NBR1: variants seen among roughly 807,000 people sequenced by gnomAD.
NBR1 encodes next to BRCA1 gene 1 protein.
Under a neutral mutation model 115.5 loss-of-function variants are expected in NBR1, and 59 were observed. The observed-to-expected ratio is 0.51, with a 90% CI of 0.41 to 0.63. The LOEUF (loss-of-function observed/expected upper bound fraction) is 0.63. Ranked by LOEUF, NBR1 falls within the 30% of genes least tolerant of loss-of-function variation. The pLI is 0.00. For missense variants in NBR1, 1,043 were observed against 1,150.5 expected, an observed-to-expected ratio of 0.91 and a Z score of 1.35; for synonymous variants, 373 against 414.7, an observed-to-expected ratio of 0.90 and a Z score of 1.22.
intron 2 of NBR1, chr17:43,176,800 G>C (rs1289101500): frequency 1.3e-5 from 2 of 151,888 alleles, no homozygotes; most frequent in Non-Finnish European, 2.9e-5. Flanking sequence ...ATTTTAAATT[G>C]TATAAGTATA....
chr17:43,179,730 G>A (rs888308312), intron 4 of NBR1, among the ~76,000 whole-genome samples: 1 of 152,192 alleles, frequency 6.6e-6, no homozygotes, highest in African/African-American at 2.4e-5. Flanking sequence ...TGGTATATAT[G>A]TTAATATCAA....
rs1442384918 is a variant in NBR1, at chr17:43,202,695, G to A, written c.2604G>A (p.Lys868=). ...CAGGACTTGTAAACAGCAGACAGAA[G>A]AGCTATGACCACTCAAGGTAACAAC... ...GSSGLVNSRQ[K]SYDHSRHHHG... Residue 868 remains lysine (K), a synonymous_variant, in exon 19 of 21, where the codon AAG becomes AAA. Coordinates refer to ENST00000590996, the MANE Select transcript of NBR1 (RefSeq NM_005899.5). The A allele has an allele frequency of 6.3e-7, 1 of 1,575,474 alleles. No individual in the cohort carries two copies. Among genetic ancestry groups the A allele is most frequent in the African/African-American group, 1.3e-5 (1 of 74,308 alleles).
chr17:43,172,936 C>T (rs1291273356), intron 1 of NBR1, among the ~76,000 whole-genome samples: 1 of 152,008 alleles, frequency 6.6e-6, no homozygotes, highest in African/African-American at 2.4e-5. Context: ...CGCCATTCTC[C>T]TGCCTCAGCC....
At chr17:43,170,424 G>T (rs929384304), upstream of NBR1, 1 of 153,424 alleles carries the variant, frequency 6.5e-6, no homozygotes, top group African/African-American at 2.4e-5. Context: ...ACCTGAGTTC[G>T]CCGTAAAGCG....
At chr17:43,182,669 G>A (rs960243271) in intron 5 of NBR1, among the ~76,000 whole-genome samples, 1 of 151,568 alleles carries the variant, frequency 6.6e-6, no homozygotes, top group Admixed American at 6.6e-5. Context: ...TGTATAAAAT[G>A]TGATGTTTTG....
intron 20 of NBR1, among the ~76,000 whole-genome samples, chr17:43,206,957 T>TG (rs1160136705): frequency 6.6e-6 from 1 of 151,716 alleles, no homozygotes; most frequent in East Asian, 2.0e-4. Flanking sequence ...CCCAGCTACT[T>TG]GGGGGGCTTA....
intron 1 of NBR1, among the ~76,000 whole-genome samples, chr17:43,173,769 C>G (rs536294723): frequency 1.1e-4 from 16 of 152,166 alleles, no homozygotes; most frequent in Non-Finnish European, 2.4e-4. Context: ...TAGTAATGGG[C>G]CGGAGGTATG....
rs563122662 is a variant in NBR1, at chr17:43,204,737, C to T, written c.2727+951C>T. On this transcript the variant is annotated intron_variant, in intron 20 of 20. Transcript: ENST00000590996. ...GGCTGAGGCAGGAGAATTGCTTGAT[C>T]CAGGGAGTCAGAGCTTGCAGTGAGC... Among the ~76,000 whole-genome samples the T allele has an allele frequency of 2.0e-5, 3 of 150,158 alleles. No individual in the cohort carries two copies. The East Asian group carries it at 5.9e-4, about 30-fold the overall frequency.
At chr17:43,200,694 C>T in intron 17 of NBR1, 86 bp downstream of exon 17, 4 of 1,223,212 alleles carry the variant, frequency 3.3e-6, no homozygotes, top group Non-Finnish European at 4.6e-6. Context: ...CCTGTTTTTT[C>T]CTCAGTATGG....
intron 5 of NBR1, among the ~76,000 whole-genome samples, chr17:43,181,628 T>C (rs2154582011): frequency 6.6e-6 from 1 of 152,102 alleles, no homozygotes; most frequent in Non-Finnish European, 1.5e-5. Flanking sequence ...ATCGTGCCAC[T>C]GCACTCCAGC....
At chr17:43,185,307 C>T (rs1463670494) in intron 5 of NBR1, among the ~76,000 whole-genome samples, 1 of 152,140 alleles carries the variant, frequency 6.6e-6, no homozygotes, top group African/African-American at 2.4e-5. Context: ...GGCATAGTGA[C>T]CCAAACCTAT....
At chr17:43,209,573 T>C in intron 20 of NBR1, 2 of 1,535,346 alleles carry the variant, frequency 1.3e-6, no homozygotes, top group Non-Finnish European at 1.7e-6. Context: ...TGGGGCTTGC[T>C]GTCATTCCTT....
chr17:43,201,842 A>G, intron 18 of NBR1, 62 bp downstream of exon 18: 3 of 939,962 alleles, frequency 3.2e-6, no homozygotes, highest in Non-Finnish European at 5.1e-6. Context: ...AACCAGGTAT[A>G]AATAGCCTCT....
At chr17:43,195,266 G>A in intron 14 of NBR1, 1 of 504,628 alleles carries the variant, frequency 2.0e-6, no homozygotes. Flanking sequence ...TCTTTGGGAG[G>A]CCAAGGCAGG....
At chr17:43,194,848 C>T in intron 13 of NBR1, 116 bp from the exon 14 acceptor site, 2 of 746,830 alleles carry the variant, frequency 2.7e-6, no homozygotes, top group Non-Finnish European at 2.2e-6. Context: ...TGTCTGGGGA[C>T]AGGCATGAAT....
chr17:43,197,505 C>T (rs563040735), intron 16 of NBR1, among the ~76,000 whole-genome samples: 1 of 147,590 alleles, frequency 6.8e-6, no homozygotes, highest in Admixed American at 6.8e-5. Flanking sequence ...GGCGACAAAG[C>T]GAGACTCCAT....
Position 43,178,013 on chromosome 17 carries a change from G to T in NBR1, c.165+15G>T. On this transcript the variant is annotated intron_variant, in intron 3 of 20. Coordinates refer to ENST00000590996, the MANE Select transcript of NBR1 (RefSeq NM_005899.5). ...AAAATGAAGAGGTAAAATATATTATGGCACTTATTGCTAGGTGTTCAGAAT... is the reference window on the plus strand; with the variant it reads ...AAAATGAAGAGGTAAAATATATTATTGCACTTATTGCTAGGTGTTCAGAAT... 6.4e-7 allele frequency: 1 copy of T among 1,568,400 alleles called. No individual in the cohort carries two copies. Among genetic ancestry groups the T allele is most frequent in the South Asian group, 1.1e-5 (1 of 89,758 alleles).
intron 17 of NBR1, among the ~76,000 whole-genome samples, chr17:43,201,431 GT>G (rs1334224842): frequency 6.6e-6 from 1 of 152,184 alleles, no homozygotes; most frequent in Non-Finnish European, 1.5e-5. Context: ...AGACATTTCC[GT>G]TTATTGACAC....
chr17:43,177,572 AACACACACACACACAC>A (rs60320098), intron 2 of NBR1, among the ~76,000 whole-genome samples: 2,342 of 131,318 alleles, frequency 0.018, 18 homozygotes, highest in Non-Finnish European at 0.028. Flanking sequence ...CCCCACCCAA[AACACACACACACACAC>A]ACACACACAC....
Sources: gnomAD v4.1 joint callset for allele counts (sites outside exome capture counted in the v4.1 genomes callset) on GRCh38, gnomAD v4.1.1 for gene constraint, MANE v1.5 for transcripts, NCBI Gene and HGNC (gene_info 2026-07-23, HGNC 2026-07-21) for gene names.